Variants in TMCC1 observed in about 807,000 individuals in gnomAD.
TMCC1 encodes the protein transmembrane and coiled-coil domain family 1.
TMCC1 carries 15 observed loss-of-function variants against 52.4 expected under a neutral mutation model. That is an observed-to-expected ratio of 0.29 (90% CI 0.19 to 0.44). TMCC1 has a LOEUF of 0.44. TMCC1 is among the 20% of genes least tolerant of loss of function. The probability of loss-of-function intolerance (pLI) is 1.00; values close to 1 mark genes in which losing one functional copy is unlikely to be tolerated. For synonymous variants in TMCC1, 279 were observed against 301.9 expected, an observed-to-expected ratio of 0.92 and a Z score of 0.79; for missense variants, 503 against 806.0, an observed-to-expected ratio of 0.62 and a Z score of 4.55.
intron 2 of TMCC1, among the ~76,000 whole-genome samples, chr3:129,862,438 T>A (rs1442129866): frequency 6.6e-6 from 1 of 152,182 alleles, no homozygotes; most frequent in East Asian, 1.9e-4. Flanking sequence ...ATACAGATAC[T>A]CTGTACTATC....
intron 4 of TMCC1, among the ~76,000 whole-genome samples, chr3:129,771,444 A>G (rs771318321): frequency 2.0e-5 from 3 of 152,162 alleles, no homozygotes; most frequent in Non-Finnish European, 4.4e-5. Context: ...TAAAAAGTGT[A>G]TGGCAGGAGA....
intron 4 of TMCC1, among the ~76,000 whole-genome samples, chr3:129,801,514 T>C (rs2057193157): frequency 6.6e-6 from 1 of 152,184 alleles, no homozygotes; most frequent in African/African-American, 2.4e-5. Flanking sequence ...CAGGCTGGAA[T>C]GCAGTGGCAC....
intron 4 of TMCC1, among the ~76,000 whole-genome samples, chr3:129,690,105 C>T (rs1485013846): frequency 4.6e-5 from 7 of 152,060 alleles, no homozygotes; most frequent in African/African-American, 1.2e-4. Context: ...CCAAACAAAC[C>T]GCTATTACCA....
intron 4 of TMCC1, among the ~76,000 whole-genome samples, chr3:129,818,111 T>C (rs1008721620): frequency 5.9e-5 from 9 of 151,868 alleles, no homozygotes; most frequent in African/African-American, 1.7e-4. Flanking sequence ...TGCCAGGCCT[T>C]TTTTGTATTG....
rs372110039 is a variant in TMCC1, at chr3:129,739,099, G to A, written c.577-67835C>T. 4.6e-5 allele frequency among the ~76,000 whole-genome samples: 7 copies of A among 152,222 alleles called. No homozygotes were observed. The East Asian group carries it at 1.4e-3, about 29-fold the overall frequency. On this transcript the variant is annotated intron_variant, in intron 4 of 6. Coordinates refer to ENST00000393238, the MANE Select transcript of TMCC1 (RefSeq NM_001017395.5). ...CCCAAACTGCTGGGATTAAAGGCAG[G>A]AGCCACCATGCCCAGCCTAACTAAA...
chr3:129,721,543 T>A (rs1013871384), intron 4 of TMCC1, among the ~76,000 whole-genome samples: 1 of 151,896 alleles, frequency 6.6e-6, no homozygotes, highest in Non-Finnish European at 1.5e-5. Flanking sequence ...ATGTTCATTC[T>A]GTAATTTGGA....
In TMCC1 at chr3:129,697,344, C is replaced by T. The variant is rs902153605; in HGVS notation, c.577-26080G>A. 7.9e-5 allele frequency among the ~76,000 whole-genome samples: 12 copies of T among 152,288 alleles called. 1 individual carries two copies. The highest frequency in any genetic ancestry group is 3.3e-4 in the Admixed American group (5 of 15,302). On this transcript the variant is annotated intron_variant, in intron 4 of 6. Coordinates refer to ENST00000393238, the MANE Select transcript of TMCC1 (RefSeq NM_001017395.5). ...AGCCATGGCCTGAACTGTATCTTGG[C>T]CCTTTTTAGTTAAGGGTGGAGCAGC...
At chr3:129,801,886 C>T (rs1262587691) in intron 4 of TMCC1, among the ~76,000 whole-genome samples, 1 of 152,134 alleles carries the variant, frequency 6.6e-6, no homozygotes, top group Non-Finnish European at 1.5e-5. Flanking sequence ...AGTTTCTGGA[C>T]AATTGATCAT....
chr3:129,813,680 C>G (rs1286215400), intron 4 of TMCC1, among the ~76,000 whole-genome samples: 1 of 151,992 alleles, frequency 6.6e-6, no homozygotes, highest in African/African-American at 2.4e-5. Context: ...GATCGAAAAA[C>G]TACCTATTGG....
rs534053045 is a variant in TMCC1, at chr3:129,726,789, C to G, written c.577-55525G>C. Among the ~76,000 whole-genome samples the G allele has an allele frequency of 7.1e-5, 10 of 140,872 alleles. 1 individual carries two copies. In the South Asian group the frequency reaches 2.3e-3, roughly 32 times the overall value. 92.4% of individuals were successfully genotyped at this position (140,872 alleles called of 152,430 possible). ...GGCTACTTGGGAGGCTGAGGCAGAA[C>G]TGCTTGAACCCAGAGGTTGCAGTGA... On this transcript the variant is annotated intron_variant, in intron 4 of 6. Coordinates refer to ENST00000393238, the MANE Select transcript of TMCC1 (RefSeq NM_001017395.5).
At chr3:129,735,214 T>TA (rs2050857007) in intron 4 of TMCC1, among the ~76,000 whole-genome samples, 2 of 152,172 alleles carry the variant, frequency 1.3e-5, no homozygotes, top group African/African-American at 4.8e-5. Flanking sequence ...GTTTGAAATA[T>TA]TTTATAACAC....
chr3:129,852,661 C>T (rs910218027), intron 2 of TMCC1, among the ~76,000 whole-genome samples: 2 of 152,046 alleles, frequency 1.3e-5, no homozygotes, highest in African/African-American at 2.4e-5. Context: ...ACCATTCAAC[C>T]GTACCCTTAA....
intron 4 of TMCC1, among the ~76,000 whole-genome samples, chr3:129,793,101 G>A (rs2056585075): frequency 6.6e-6 from 1 of 152,026 alleles, no homozygotes; most frequent in Non-Finnish European, 1.5e-5. Flanking sequence ...ACAAGCACTG[G>A]AGGACATTGA....
chr3:129,784,010 A>G (rs1025718948), intron 4 of TMCC1, among the ~76,000 whole-genome samples: 2 of 152,220 alleles, frequency 1.3e-5, no homozygotes, highest in African/African-American at 4.8e-5. Context: ...GTCAAGCCTT[A>G]TCAAACATGG....
intron 3 of TMCC1, among the ~76,000 whole-genome samples, chr3:129,831,608 A>G (rs2058917445): frequency 6.6e-6 from 1 of 152,250 alleles, no homozygotes; most frequent in Non-Finnish European, 1.5e-5. Context: ...TTTGAAGGCT[A>G]CTAAAATTTT....
chr3:129,751,753 G>A (rs2052547628), intron 4 of TMCC1, among the ~76,000 whole-genome samples: 1 of 152,046 alleles, frequency 6.6e-6, no homozygotes, highest in South Asian at 2.1e-4. Flanking sequence ...GAGACACAGG[G>A]TTTCACCATG....
chr3:129,751,768 C>T (rs762297241), intron 4 of TMCC1, among the ~76,000 whole-genome samples: 38 of 152,040 alleles, frequency 2.5e-4, no homozygotes, highest in Non-Finnish European at 4.6e-4. Flanking sequence ...ACCATGTTGG[C>T]CAGGCTGGTC....
intron 4 of TMCC1, among the ~76,000 whole-genome samples, chr3:129,691,804 G>T (rs2047048233): frequency 6.6e-6 from 1 of 152,120 alleles, no homozygotes. Context: ...CCTCTTGTTT[G>T]TAAGTATAAA....
intron 4 of TMCC1, among the ~76,000 whole-genome samples, chr3:129,731,206 A>G (rs2050509538): frequency 6.6e-6 from 1 of 152,390 alleles, no homozygotes; most frequent in East Asian, 1.9e-4. Flanking sequence ...ACATTAGCCC[A>G]GAGAAGCAAA....
Sources: gnomAD v4.1 joint callset for allele counts (sites outside exome capture counted in the v4.1 genomes callset) on GRCh38, gnomAD v4.1.1 for gene constraint, MANE v1.5 for transcripts, NCBI Gene and HGNC (gene_info 2026-07-23, HGNC 2026-07-21) for gene names.